Variants in NAALADL2 observed in about 807,000 individuals in gnomAD.
The protein encoded by NAALADL2 is inactive N-acetylated-alpha-linked acidic dipeptidase-like protein 2.
Under a neutral mutation model 87.2 loss-of-function variants are expected in NAALADL2, and 76 were observed. The ratio of observed to expected loss-of-function variants is 0.87; its 90% CI spans 0.72 to 1.05. The LOEUF is 1.05. Ranked by LOEUF, NAALADL2 falls within the 50% of genes least tolerant of loss-of-function variation. The pLI is 0.00. For synonymous variants in NAALADL2, 354 were observed against 331.0 expected (o/e 1.07, Z -0.75); for missense variants, 1,089 against 945.8 (o/e 1.15, Z -1.99).
intron 9 of NAALADL2, among the ~76,000 whole-genome samples, chr3:175,510,228 C>CG: frequency 6.6e-6 from 1 of 152,276 alleles, no homozygotes; most frequent in East Asian, 1.9e-4. Flanking sequence ...CACTCACTAT[C>CG]ATGAGCTCAC....
At chr3:174,540,110 A>G (rs1032072423) in intron 1 of NAALADL2, among the ~76,000 whole-genome samples, 1 of 152,150 alleles carries the variant, frequency 6.6e-6, no homozygotes, top group African/African-American at 2.4e-5. Context: ...GAGGAGTACA[A>G]AAGTGGCAGA....
chr3:175,011,500 T>G (rs1580002722), intron 1 of NAALADL2, among the ~76,000 whole-genome samples: 1 of 152,272 alleles, frequency 6.6e-6, no homozygotes, highest in Middle Eastern at 3.4e-3. Context: ...AAAGCCAATA[T>G]TCAGGTAAGC....
intron 3 of NAALADL2, among the ~76,000 whole-genome samples, chr3:174,811,994 A>G (rs1720265398): frequency 6.6e-6 from 1 of 152,054 alleles, no homozygotes; most frequent in South Asian, 2.1e-4. Flanking sequence ...TGCTCCTGCC[A>G]TGTAAGATAC....
intron 1 of NAALADL2, among the ~76,000 whole-genome samples, chr3:174,457,561 C>T (rs1715924666): frequency 6.6e-6 from 1 of 152,168 alleles, no homozygotes; most frequent in African/African-American, 2.4e-5. Context: ...CACGGAGGCT[C>T]ATGCCTGTAG....
intron 1 of NAALADL2, among the ~76,000 whole-genome samples, chr3:174,920,237 C>G (rs763573421): frequency 2.6e-5 from 4 of 152,208 alleles, no homozygotes; most frequent in Non-Finnish European, 5.9e-5. Flanking sequence ...ATCGACTCCT[C>G]CTCTCTAGCT....
chr3:174,678,462 A>C (rs1727245600), intron 2 of NAALADL2, among the ~76,000 whole-genome samples: 1 of 152,134 alleles, frequency 6.6e-6, no homozygotes, highest in African/African-American at 2.4e-5. Flanking sequence ...ATTTTTTTCC[A>C]AAGTGGGTGT....
At chr3:175,335,865 A>G (rs1217356289) in intron 5 of NAALADL2, among the ~76,000 whole-genome samples, 1 of 152,206 alleles carries the variant, frequency 6.6e-6, no homozygotes, top group Admixed American at 6.5e-5. Flanking sequence ...GTTGAAGAGT[A>G]TAAATGTGGA....
At chr3:175,292,421 T>A (rs1755746397) in intron 4 of NAALADL2, among the ~76,000 whole-genome samples, 1 of 152,200 alleles carries the variant, frequency 6.6e-6, no homozygotes, top group Non-Finnish European at 1.5e-5. Context: ...TTGGTATGTT[T>A]GTGTAGAAAG....
intron 9 of NAALADL2, among the ~76,000 whole-genome samples, chr3:175,499,378 G>GTCCT (rs1307469673): frequency 6.6e-6 from 1 of 151,980 alleles, no homozygotes; most frequent in African/African-American, 2.4e-5. Flanking sequence ...CAAGTCTAGC[G>GTCCT]TAAGAGTCTC....
intron 4 of NAALADL2, among the ~76,000 whole-genome samples, chr3:175,319,060 G>T (rs1394684193): frequency 6.6e-6 from 1 of 152,194 alleles, no homozygotes; most frequent in Non-Finnish European, 1.5e-5. Context: ...ATTTCTGCAT[G>T]TAAACATTAG....
intron 11 of NAALADL2, among the ~76,000 whole-genome samples, chr3:175,634,534 G>T (rs1042002187): frequency 6.6e-6 from 1 of 151,764 alleles, no homozygotes; most frequent in Non-Finnish European, 1.5e-5. Context: ...TAAAGTAAAA[G>T]AAAAAGAAAG....
intron 4 of NAALADL2, among the ~76,000 whole-genome samples, chr3:175,286,812 C>T (rs1012608889): frequency 2.6e-5 from 4 of 152,070 alleles, no homozygotes; most frequent in African/African-American, 9.7e-5. Flanking sequence ...GTTATCTAGG[C>T]TGGATGCGGT....
chr3:174,899,571 A>G (rs1257719772), intron 1 of NAALADL2, among the ~76,000 whole-genome samples: 1 of 152,102 alleles, frequency 6.6e-6, no homozygotes, highest in Non-Finnish European at 1.5e-5. Context: ...GCCTTCTGCC[A>G]TAATGTAAGT....
At chr3:175,636,696 T>TAAA (rs529189291) in intron 11 of NAALADL2, among the ~76,000 whole-genome samples, 1 of 82,382 alleles carries the variant, frequency 1.2e-5, no homozygotes, top group Non-Finnish European at 2.4e-5. Context: ...AGACTCCATC[T>TAAA]AAAAAAAAAA....
intron 4 of NAALADL2, among the ~76,000 whole-genome samples, chr3:175,311,399 A>G (rs1758346818): frequency 6.6e-6 from 1 of 152,162 alleles, no homozygotes; most frequent in African/African-American, 2.4e-5. Context: ...CCTTATGAAG[A>G]CACATTTCTG....
rs115204153 is a variant in NAALADL2, at chr3:174,803,378, C to G, written c.-9+65632C>G. 8.5e-3 allele frequency among the ~76,000 whole-genome samples: 1,292 copies of G among 152,222 alleles called. 8 individuals are homozygous for G. The highest frequency in any genetic ancestry group is 0.014 in the Non-Finnish European group (933 of 68,020). ...TCTTTGTAGATTCTAGGTATTAGCC[C>G]TTTGCCAGATGGGTAGATTGGAAAG... On this transcript the variant is annotated intron_variant, in intron 3 of 3. Transcript: ENST00000434257.
chr3:175,011,819 A>C (rs977045081), intron 1 of NAALADL2, among the ~76,000 whole-genome samples: 1 of 152,276 alleles, frequency 6.6e-6, no homozygotes, highest in East Asian at 1.9e-4. Flanking sequence ...CCAGCAGACT[A>C]TCTTGATATC....
At chr3:175,661,932 C>G (rs1732316457) in intron 11 of NAALADL2, among the ~76,000 whole-genome samples, 1 of 151,848 alleles carries the variant, frequency 6.6e-6, no homozygotes, top group Admixed American at 6.6e-5. Flanking sequence ...AAGCGTGATG[C>G]CTTAAACTTT....
At chr3:175,459,461 A>G (rs1722788117) in intron 6 of NAALADL2, among the ~76,000 whole-genome samples, 1 of 151,956 alleles carries the variant, frequency 6.6e-6, no homozygotes, top group African/African-American at 2.4e-5. Flanking sequence ...TAAAATATAC[A>G]GTCGATTAAA....
Sources: allele counts gnomAD v4.1 joint callset (sites outside exome capture counted in the v4.1 genomes callset), GRCh38; gene constraint gnomAD v4.1.1; transcripts MANE v1.5; gene names NCBI Gene and HGNC (gene_info 2026-07-23, HGNC 2026-07-21).